Variants in LPL observed in about 807,000 individuals in gnomAD.
LPL encodes phospholipase A1.
Under a neutral mutation model 52.2 loss-of-function variants are expected in LPL, and 43 were observed. That is an observed-to-expected ratio of 0.82 (90% CI 0.64 to 1.06). The LOEUF is 1.06. LPL is among the 50% of genes least tolerant of loss of function. The pLI is 0.00. For missense variants in LPL, 639 were observed against 585.3 expected (o/e 1.09, Z -0.95); for synonymous variants, 244 against 215.6 (o/e 1.13, Z -1.15).
chr8:19,939,680 G>T lies in LPL; in HGVS notation c.88+152G>T. On this transcript the variant is annotated intron_variant, in intron 1 of 9. Transcript: ENST00000650287. This position sits in a 1 kb window ranked among gnomAD's most constrained non-coding sequence, Gnocchi z 4.0. ...GGCTCTAGCCCCGAAACGGTCCCCG[G>T]AGTGGGATCCAGGAGGGGCCGGGAG... The T allele has an allele frequency of 1.3e-6, 1 of 780,806 alleles. No homozygotes were observed. 48.4% of individuals were successfully genotyped at this position (780,806 alleles called of 1,614,324 possible).
chr8:19,954,795 T>C (rs1334319960), intron 5 of LPL, among the ~76,000 whole-genome samples: 1 of 152,252 alleles, frequency 6.6e-6, no homozygotes, highest in Non-Finnish European at 1.5e-5. Flanking sequence ...TTTACTTTAA[T>C]AATGTTAGCT....
chr8:19,951,880 T>C lies in LPL; in HGVS notation c.361T>C (p.Tyr121His). The change falls in exon 3 of 10, where the codon TAC becomes CAC. Residue 121 changes from tyrosine (Y) to histidine (H), a missense_variant. Transcript: ENST00000650287. ...VDWLSRAQEH[Y>H]PVSAGYTKLV... The stretch of plus-strand genomic sequence containing the variant: ...CTGGCTGTCACGGGCTCAGGAGCAT[T>C]ACCCAGTGTCCGCGGGCTACACCAA... 1 of 1,614,118 alleles carries C rather than the reference T, an allele frequency of 6.2e-7. No homozygotes were observed. The highest frequency in any genetic ancestry group is 8.5e-7 in the Non-Finnish European group (1 of 1,180,022).
At chr8:19,955,589 T>C (rs1270199779) in intron 5 of LPL, among the ~76,000 whole-genome samples, 1 of 152,084 alleles carries the variant, frequency 6.6e-6, no homozygotes. Flanking sequence ...TTCATAAACA[T>C]ACTCATAAAT....
intron 7 of LPL, among the ~76,000 whole-genome samples, chr8:19,959,777 CTTTTTTTTTTTT>C (rs71205952): frequency 6.4e-4 from 42 of 65,132 alleles, no homozygotes; most frequent in African/African-American, 8.6e-4. Context: ...AGTGTTAGCT[CTTTTTTTTTTTT>C]TTTTTTTTTT....
rs1382060595 is a variant in LPL at position 19,950,935 on chromosome 8, G to T, written c.250-834G>T. On this transcript the variant is annotated intron_variant, in intron 2 of 9. Coordinates refer to ENST00000650287, the MANE Select transcript of LPL (RefSeq NM_000237.3). The surrounding 1 kb of genome is among the most constrained non-coding windows in gnomAD (Gnocchi z 4.2). The stretch of plus-strand genomic sequence containing the variant: ...GAAGGAATGAAGGAAGGAAGGAAGG[G>T]AGGGAGGAAGAAAGGAAGGAAGAAC... 3.4e-5 allele frequency among the ~76,000 whole-genome samples: 4 copies of T among 116,884 alleles called. No individual in the cohort carries two copies. The highest frequency in any genetic ancestry group is 3.2e-4 in the Admixed American group (4 of 12,414). 76.7% of individuals were successfully genotyped at this position (116,884 alleles called of 152,430 possible). A position where few individuals can be genotyped will look rare whatever the true frequency, so the allele number is the denominator to read the frequency against.
At chr8:19,947,067 T>C (rs2069887445) in intron 1 of LPL, among the ~76,000 whole-genome samples, 1 of 152,210 alleles carries the variant, frequency 6.6e-6, no homozygotes, top group African/African-American at 2.4e-5. Flanking sequence ...GGCTGATACA[T>C]AGCACGGGTA....
chr8:19,952,626 T>C (rs2069945791), intron 3 of LPL, among the ~76,000 whole-genome samples: 1 of 152,238 alleles, frequency 6.6e-6, no homozygotes. Flanking sequence ...GCTGTGTTTA[T>C]TAGACTGATC....
At chr8:19,960,531 G>A (rs314) in intron 7 of LPL, among the ~76,000 whole-genome samples, 59,178 of 151,962 alleles carry the variant, frequency 0.39, 13,852 homozygotes, top group African/African-American at 0.66. Context: ...TATAAAATCT[G>A]AAGAGAATAA....
intron 8 of LPL, 63 bp from the exon 9 acceptor site, chr8:19,962,052 A>C (rs1299551066): frequency 9.3e-7 from 1 of 1,074,384 alleles, no homozygotes; most frequent in African/African-American, 1.5e-5. Flanking sequence ...ACAGAACTGT[A>C]CCTTTGTGAA....
chr8:19,965,957 G>A lies in LPL; in HGVS notation c.*647G>A, dbSNP rs1313293474. Reference sequence around the variant, plus strand: ...CATGACAAAGTTACAAATTCAAGGAGATATAAAATCTAGATCAATTAATTC... The same window carrying A: ...CATGACAAAGTTACAAATTCAAGGAAATATAAAATCTAGATCAATTAATTC... On this transcript the variant is annotated 3_prime_UTR_variant, in exon 10 of 10. Coordinates refer to ENST00000650287, the MANE Select transcript of LPL (RefSeq NM_000237.3). The A allele has an allele frequency of 6.6e-6, 1 of 152,092 alleles. No homozygotes were observed. Among genetic ancestry groups the A allele is most frequent in the African/African-American group, 2.4e-5 (1 of 41,414 alleles). 9.4% of individuals were successfully genotyped at this position (152,092 alleles called of 1,614,324 possible). A position where few individuals can be genotyped will look rare whatever the true frequency, so the allele number is the denominator to read the frequency against.
intron 1 of LPL, 99 bp from the exon 2 acceptor site, chr8:19,948,081 G>C: frequency 7.9e-7 from 1 of 1,258,448 alleles, no homozygotes; most frequent in Non-Finnish European, 1.2e-6. Flanking sequence ...AACAAAAATA[G>C]CATCAGCGGT....
chr8:19,940,401 G>A (rs936299251), intron 1 of LPL, among the ~76,000 whole-genome samples: 3 of 152,190 alleles, frequency 2.0e-5, no homozygotes, highest in Non-Finnish European at 4.4e-5. Flanking sequence ...GCGGCTGCGA[G>A]CACGTGGGGT....
At chr8:19,947,005 A>T (rs990858680) in intron 1 of LPL, among the ~76,000 whole-genome samples, 1 of 152,222 alleles carries the variant, frequency 6.6e-6, no homozygotes, top group African/African-American at 2.4e-5. Flanking sequence ...TTTGTGTGGA[A>T]CATTGTAATG....
chr8:19,940,065 G>A (rs1277723127), intron 1 of LPL, among the ~76,000 whole-genome samples: 1 of 152,200 alleles, frequency 6.6e-6, no homozygotes, highest in African/African-American at 2.4e-5. Context: ...TCAGCCGCAC[G>A]GGGTACGCTC....
rs1308406211 is a variant in LPL, at chr8:19,966,107, T to A, written c.*797T>A. The A allele has an allele frequency of 6.6e-6, 1 of 151,868 alleles. No homozygotes were observed. Among genetic ancestry groups the A allele is most frequent in the East Asian group, 1.9e-4 (1 of 5,200 alleles). 9.4% of individuals were successfully genotyped at this position (151,868 alleles called of 1,614,324 possible). ...GAGCCTGTAATCCTCAGCTGACACATAATTTGAATGGTGCAGAAAAAAAAA... is the reference window on the plus strand; with the variant it reads ...GAGCCTGTAATCCTCAGCTGACACAAAATTTGAATGGTGCAGAAAAAAAAA... On this transcript the variant is annotated 3_prime_UTR_variant, in exon 10 of 10. Coordinates refer to ENST00000650287, the MANE Select transcript of LPL (RefSeq NM_000237.3).
intron 1 of LPL, among the ~76,000 whole-genome samples, chr8:19,942,966 T>G (rs2128835897): frequency 6.6e-6 from 1 of 152,296 alleles, no homozygotes; most frequent in East Asian, 1.9e-4. Context: ...AATGATCAAA[T>G]GCTATCTAAG....
At chr8:19,958,573 A>G (rs1221842990) in intron 6 of LPL, among the ~76,000 whole-genome samples, 1 of 151,990 alleles carries the variant, frequency 6.6e-6, no homozygotes, top group Non-Finnish European at 1.5e-5. Context: ...TTTTTAAAAA[A>G]AATTTTATTT....
chr8:19,939,643 TCTCC>T lies in LPL; in HGVS notation c.88+117_88+120del. 1 of 1,076,394 alleles carries T rather than the reference TCTCC, an allele frequency of 9.3e-7. No homozygotes were observed. The highest frequency in any genetic ancestry group is 1.4e-6 in the Non-Finnish European group (1 of 739,746). The allele number at this position is 1,076,394 out of a possible 1,614,324, so 66.7% of individuals were successfully genotyped here. A position where few individuals can be genotyped will look rare whatever the true frequency, so the allele number is the denominator to read the frequency against. ...AGGGGCGGTGGATGCGCCCAGGGAC[TCTCC>T]CAGCCTGGGCTCTAGCCCCGAAACG... On this transcript the variant is annotated intron_variant, in intron 1 of 9. Coordinates refer to ENST00000650287, the MANE Select transcript of LPL (RefSeq NM_000237.3). The surrounding 1 kb of genome is among the most constrained non-coding windows in gnomAD (Gnocchi z 4.0).
intron 1 of LPL, among the ~76,000 whole-genome samples, chr8:19,942,479 G>T (rs2128835802): frequency 6.6e-6 from 1 of 152,210 alleles, no homozygotes; most frequent in South Asian, 2.1e-4. Flanking sequence ...AACTTTTATG[G>T]CAATAAAAAC....
Sources: gnomAD v4.1 joint callset for allele counts (sites outside exome capture counted in the v4.1 genomes callset) on GRCh38, gnomAD v4.1.1 for gene constraint, Gnocchi (gnomAD v3.1) non-coding constraint, MANE v1.5 for transcripts, NCBI Gene and HGNC (gene_info 2026-07-23, HGNC 2026-07-21) for gene names.